Variants in COLEC10 observed in about 807,000 individuals in gnomAD.
The protein encoded by COLEC10 is collectin-10.
Under a neutral mutation model 28.4 loss-of-function variants are expected in COLEC10, and 22 were observed. That is an observed-to-expected ratio of 0.78 (90% CI 0.55 to 1.11). The LOEUF (loss-of-function observed/expected upper bound fraction) is 1.11, where lower values mean the gene tolerates loss of function less well. Among genes scored for constraint, COLEC10 ranks in the 50% least tolerant of loss-of-function variants. COLEC10 has a pLI of 0.00. For missense variants in COLEC10, 361 were observed against 344.1 expected, an observed-to-expected ratio of 1.05 and a Z score of -0.39; for synonymous variants, 125 against 116.1, an observed-to-expected ratio of 1.08 and a Z score of -0.49.
At chr8:119,078,434 A>C (rs953989384) in intron 1 of COLEC10, among the ~76,000 whole-genome samples, 2 of 152,170 alleles carry the variant, frequency 1.3e-5, no homozygotes, top group Non-Finnish European at 2.9e-5. Context: ...AGAAGGTCTT[A>C]GTGGGACATA....
chr8:119,102,421 C>A lies in COLEC10; in HGVS notation c.346+20C>A. 1.3e-6 allele frequency: 2 copies of A among 1,581,762 alleles called. No homozygotes were observed. The highest frequency in any genetic ancestry group is 2.3e-5 in the South Asian group (2 of 86,004). ...AAGCAGGTACGATATGTTCAATGTT[C>A]TCTTTGATTTCTAGCATGATTCCAA... On this transcript the variant is annotated intron_variant, in intron 4 of 5. Transcript: ENST00000332843.
At chr8:118,993,055 T>A (rs530483723), upstream of COLEC10, among the ~76,000 whole-genome samples, 1 of 152,276 alleles carries the variant, frequency 6.6e-6, no homozygotes, top group South Asian at 2.1e-4. Context: ...ACAAAAGCTG[T>A]AGGATTGCTT....
intron 3 of COLEC10, among the ~76,000 whole-genome samples, chr8:119,096,400 T>C (rs942046707): frequency 6.6e-6 from 1 of 152,196 alleles, no homozygotes; most frequent in Admixed American, 6.5e-5. Context: ...GAGACCAGCC[T>C]AGCCAGCATG....
upstream of COLEC10, among the ~76,000 whole-genome samples, chr8:119,065,068 C>T (rs2130206568): frequency 6.6e-6 from 1 of 152,130 alleles, no homozygotes; most frequent in Admixed American, 6.5e-5. Context: ...CAATTGTGTT[C>T]CTCCCACCTC....
chr8:119,019,739 A>G (rs1166331236), intron 2 of COLEC10, among the ~76,000 whole-genome samples: 1 of 152,154 alleles, frequency 6.6e-6, no homozygotes, highest in East Asian at 1.9e-4. Context: ...CGACAGTGTC[A>G]ATCCACTAGG....
chr8:119,101,313 A>G (rs1815820579), intron 3 of COLEC10, among the ~76,000 whole-genome samples: 1 of 152,158 alleles, frequency 6.6e-6, no homozygotes, highest in African/African-American at 2.4e-5. Flanking sequence ...CTATTGAAGC[A>G]TAAACTCTAT....
intron 2 of COLEC10, among the ~76,000 whole-genome samples, chr8:119,011,571 C>T (rs1813901293): frequency 6.6e-6 from 1 of 150,866 alleles, no homozygotes; most frequent in African/African-American, 2.5e-5. Context: ...AAAGAAGAGA[C>T]TTGACACTAC....
intron 2 of COLEC10, among the ~76,000 whole-genome samples, chr8:119,037,046 A>G (rs1814401732): frequency 6.6e-6 from 1 of 152,146 alleles, no homozygotes; most frequent in Admixed American, 6.5e-5. Context: ...GGCAAAGAGG[A>G]TGGTTAAAAA....
chr8:118,955,046 A>G, the COLEC10 span, among the ~76,000 whole-genome samples: 3 of 152,230 alleles, frequency 2.0e-5, no homozygotes, highest in Non-Finnish European at 1.5e-5. Context: ...ATGCAGAGAA[A>G]AGGATATTAA....
chr8:118,980,679 G>A, the COLEC10 span, among the ~76,000 whole-genome samples: 6 of 152,022 alleles, frequency 3.9e-5, no homozygotes, highest in Non-Finnish European at 8.8e-5. Flanking sequence ...TGTTGTTCAA[G>A]ATAGTACCAT....
chr8:119,013,374 G>A lies in COLEC10; in HGVS notation n.235+3821G>A, dbSNP rs1186768693. Among the ~76,000 whole-genome samples the A allele has an allele frequency of 2.0e-5, 3 of 150,510 alleles. No individual in the cohort carries two copies. In the East Asian group the frequency reaches 5.8e-4, roughly 29 times the overall value. ...TAAATGTGGTAAAGTGTATTTTATG[G>A]CACAGAATGAAGTTTATCTTGGTGA... On this transcript the variant is annotated intron_variant and non_coding_transcript_variant, in intron 2 of 6. Transcript: ENST00000521788.
chr8:119,075,411 G>A (rs1815207408), intron 1 of COLEC10, among the ~76,000 whole-genome samples: 1 of 152,110 alleles, frequency 6.6e-6, no homozygotes, highest in South Asian at 2.1e-4. Context: ...TTTTAGAAAA[G>A]AATTGTACAT....
At chr8:119,027,428 A>T (rs1397970543) in intron 2 of COLEC10, among the ~76,000 whole-genome samples, 1 of 151,938 alleles carries the variant, frequency 6.6e-6, no homozygotes, top group African/African-American at 2.4e-5. Flanking sequence ...TTATGTCTTT[A>T]TTTATTTATT....
chr8:119,016,836 C>T (rs1217059320), intron 2 of COLEC10, among the ~76,000 whole-genome samples: 1 of 152,136 alleles, frequency 6.6e-6, no homozygotes, highest in Admixed American at 6.5e-5. Context: ...CCTGCCTCAG[C>T]CTTCTGAGTA....
upstream of COLEC10, chr8:119,067,130 A>G (rs932140782): frequency 4.4e-6 from 3 of 674,654 alleles, no homozygotes; most frequent in Admixed American, 5.8e-5. Flanking sequence ...GAAAATAAAC[A>G]ACCTAGGGTA....
intron 1 of COLEC10, among the ~76,000 whole-genome samples, chr8:119,087,433 C>A (rs931322053): frequency 3.3e-5 from 5 of 152,100 alleles, no homozygotes; most frequent in African/African-American, 1.2e-4. Context: ...CTTTGCTAAA[C>A]ACCCTCTGGA....
chr8:118,994,167 C>G (rs1813553132), upstream of COLEC10, among the ~76,000 whole-genome samples: 1 of 152,166 alleles, frequency 6.6e-6, no homozygotes, highest in African/African-American at 2.4e-5. Context: ...GTGTGGCCTC[C>G]ACTTTTCAGT....
chr8:119,057,143 G>A (rs1004606443), intron 2 of COLEC10, among the ~76,000 whole-genome samples: 6 of 151,922 alleles, frequency 3.9e-5, no homozygotes, highest in Admixed American at 2.0e-4. Flanking sequence ...TCATGAGGGC[G>A]GTTTCCTCCA....
chr8:118,984,948 G>A, the COLEC10 span, among the ~76,000 whole-genome samples: 7 of 152,106 alleles, frequency 4.6e-5, no homozygotes, highest in South Asian at 1.2e-3. Context: ...ATCATATCTC[G>A]TGAGACCCAT....
Sources: gnomAD v4.1 joint callset for allele counts (sites outside exome capture counted in the v4.1 genomes callset) on GRCh38, gnomAD v4.1.1 for gene constraint, MANE v1.5 for transcripts, NCBI Gene and HGNC (gene_info 2026-07-23, HGNC 2026-07-21) for gene names.